Variants in BCAR3 observed in about 807,000 individuals in gnomAD.
BCAR3 encodes the protein BCAR3 adaptor protein, NSP family member.
BCAR3 carries 37 observed loss-of-function variants against 80.1 expected under a neutral mutation model. The observed-to-expected ratio is 0.46, with a 90% confidence interval of 0.36 to 0.61. The LOEUF is 0.61. Among genes scored for constraint, BCAR3 ranks in the 20% least tolerant of loss-of-function variants. The pLI, the probability that BCAR3 is intolerant of heterozygous loss-of-function variation, is 0.00. For synonymous variants in BCAR3, 389 were observed against 418.9 expected (o/e 0.93, Z 0.87); for missense variants, 978 against 1,068.2 (o/e 0.92, Z 1.18).
intron 3 of BCAR3, chr1:93,605,451 C>T (rs904763696): frequency 4.6e-5 from 7 of 152,212 alleles, no homozygotes; most frequent in African/African-American, 1.7e-4. Context: ...AAATATTAAT[C>T]GCTGAGTTCA....
chr1:93,613,800 TC>T, intron 3 of BCAR3: 26 of 1,540,050 alleles, frequency 1.7e-5, no homozygotes, highest in Non-Finnish European at 2.3e-5. Context: ...GCTTTCAGGG[TC>T]CCCCAAAAGA....
At chr1:93,825,589 T>C (rs1350665264) in intron 2 of BCAR3, among the ~76,000 whole-genome samples, 1 of 118,802 alleles carries the variant, frequency 8.4e-6, no homozygotes, top group African/African-American at 2.7e-5. Context: ...TGCCTGCCCC[T>C]TGCCATGGAG....
intron 2 of BCAR3, among the ~76,000 whole-genome samples, chr1:93,643,698 G>A (rs1169175233): frequency 6.6e-6 from 1 of 151,940 alleles, no homozygotes; most frequent in Non-Finnish European, 1.5e-5. Flanking sequence ...GGATGAACAA[G>A]CATAGAGCTC....
intron 3 of BCAR3, among the ~76,000 whole-genome samples, chr1:93,608,242 G>A (rs1444072704): frequency 6.6e-6 from 1 of 152,194 alleles, no homozygotes; most frequent in Admixed American, 6.5e-5. Context: ...TTCAACAGTA[G>A]CTCCTGGCAC....
Position 93,739,433 on chromosome 1 carries a change from TTA to T in BCAR3, c.-62-33293_-62-33292del, listed in dbSNP as rs1426499183. ...AACTAGTAATGACTGATTAAAATCT[TTA>T]TGTTTTAATCTTTTAATACAGTATT... On this transcript the variant is annotated intron_variant, in intron 2 of 13. Coordinates refer to the BCAR3 transcript ENST00000370244. 2.6e-4 allele frequency among the ~76,000 whole-genome samples: 40 copies of T among 152,332 alleles called. No homozygotes were observed. The South Asian group carries it at 6.2e-3, about 24-fold the overall frequency.
Position 93,592,508 on chromosome 1 carries a change from G to A in BCAR3, c.358-115C>T. ...CCAGTTATGCTACAGCCTGCATTCA[G>A]GTAGGGGAGCCTGGATAATGATTAC... is the stretch of plus-strand genomic sequence containing the variant. On this transcript the variant is annotated intron_variant, in intron 3 of 11. Coordinates refer to ENST00000260502, the MANE Select transcript of BCAR3 (RefSeq NM_003567.4). The surrounding 1 kb of genome is among the most constrained non-coding windows in gnomAD (Gnocchi z 4.8). 1.5e-6 allele frequency: 2 copies of A among 1,352,440 alleles called. No homozygotes were observed. Among genetic ancestry groups the A allele is most frequent in the South Asian group, 1.4e-5 (1 of 69,118 alleles). The allele number at this position is 1,352,440 out of a possible 1,614,324, so 83.8% of individuals were successfully genotyped here.
chr1:93,662,426 G>A (rs1647705413), intron 2 of BCAR3, among the ~76,000 whole-genome samples: 1 of 151,914 alleles, frequency 6.6e-6, no homozygotes, highest in Non-Finnish European at 1.5e-5. Flanking sequence ...ATTCAACTAG[G>A]TTTGGTTTGC....
chr1:93,835,475 A>G (rs1654731645), intron 2 of BCAR3, among the ~76,000 whole-genome samples: 1 of 151,982 alleles, frequency 6.6e-6, no homozygotes, highest in South Asian at 2.1e-4. Context: ...CCACCTATCA[A>G]TCTCCTCCCA....
chr1:93,601,130 G>A (rs1674608738), intron 3 of BCAR3, among the ~76,000 whole-genome samples: 1 of 152,146 alleles, frequency 6.6e-6, no homozygotes, highest in African/African-American at 2.4e-5. Context: ...ACCTGATGCA[G>A]GTAAAGCATC....
intron 2 of BCAR3, among the ~76,000 whole-genome samples, chr1:93,712,807 T>G (rs564026992): frequency 2.6e-5 from 4 of 152,354 alleles, no homozygotes; most frequent in Admixed American, 2.6e-4. Flanking sequence ...CACACTTGGT[T>G]AGAATCAGGA....
chr1:93,705,736 T>C (rs1414825682), intron 3 of BCAR3, among the ~76,000 whole-genome samples: 1 of 152,226 alleles, frequency 6.6e-6, no homozygotes, highest in African/African-American at 2.4e-5. Flanking sequence ...ATGGTAACCA[T>C]CATTCTACCT....
At chr1:93,750,062 C>A (rs984679373) in intron 2 of BCAR3, among the ~76,000 whole-genome samples, 1 of 152,104 alleles carries the variant, frequency 6.6e-6, no homozygotes, top group Non-Finnish European at 1.5e-5. Context: ...ATATTTGGCA[C>A]CAGACCAAAG....
At chr1:93,798,756 T>C (rs1190323275) in intron 2 of BCAR3, among the ~76,000 whole-genome samples, 1 of 152,216 alleles carries the variant, frequency 6.6e-6, no homozygotes, top group Non-Finnish European at 1.5e-5. Flanking sequence ...ATCCTTTAGA[T>C]ATGATCCATC....
Position 93,586,244 on chromosome 1 carries a change from ACT to A in BCAR3, c.930-2125_930-2124del, listed in dbSNP as rs1673937280. On this transcript the variant is annotated intron_variant, in intron 5 of 11. Transcript: ENST00000260502. The surrounding 1 kb of genome is among the most constrained non-coding windows in gnomAD (Gnocchi z 4.2). ...CCCAGGCTCTGCTAACCATCCTTCT[ACT>A]CTCTGTGTCCAAGAATTCAGTTGTT... is the stretch of plus-strand genomic sequence containing the variant. 6.7e-6 allele frequency among the ~76,000 whole-genome samples: 1 copy of A among 149,894 alleles called. No individual in the cohort carries two copies. The highest frequency in any genetic ancestry group is 6.6e-5 in the Admixed American group (1 of 15,072).
intron 2 of BCAR3, among the ~76,000 whole-genome samples, chr1:93,810,192 C>CAAAAAAAAAAAAAAAAAAAAAAAA (rs111305058): frequency 1.0e-5 from 1 of 98,880 alleles, no homozygotes; most frequent in African/African-American, 3.5e-5. Context: ...GACTCCATCT[C>CAAAAAAAAAAAAAAAAAAAAAAAA]AAAAAAAAAA....
intron 2 of BCAR3, among the ~76,000 whole-genome samples, chr1:93,667,392 A>G (rs970858817): frequency 2.0e-5 from 3 of 152,192 alleles, no homozygotes; most frequent in Non-Finnish European, 4.4e-5. Flanking sequence ...GTTAACCTTC[A>G]TAGCACTTCT....
chr1:93,795,081 C>T (rs1653224556), intron 2 of BCAR3, among the ~76,000 whole-genome samples: 2 of 42,712 alleles, frequency 4.7e-5, no homozygotes, highest in Non-Finnish European at 7.7e-5. Context: ...CTCTGGCTGC[C>T]CTTAACATTT....
At chr1:93,663,392 G>A (rs1647751822) in intron 2 of BCAR3, among the ~76,000 whole-genome samples, 1 of 152,176 alleles carries the variant, frequency 6.6e-6, no homozygotes, top group African/African-American at 2.4e-5. Flanking sequence ...AAGCACAGAG[G>A]AAGTGGCAGC....
intron 2 of BCAR3, among the ~76,000 whole-genome samples, chr1:93,839,563 A>G (rs1487968182): frequency 6.6e-6 from 1 of 152,222 alleles, no homozygotes; most frequent in Admixed American, 6.5e-5. Context: ...TCTGACTCAG[A>G]AGAAGGAAGG....
Sources: allele counts gnomAD v4.1 joint callset (sites outside exome capture counted in the v4.1 genomes callset), GRCh38; gene constraint gnomAD v4.1.1; non-coding constraint Gnocchi (gnomAD v3.1); transcripts MANE v1.5; gene names NCBI Gene and HGNC (gene_info 2026-07-23, HGNC 2026-07-21).